Variants in BRD10 observed in about 807,000 individuals in gnomAD.
The protein encoded by BRD10 is bromodomain containing 10.
the BRD10 span, among the ~76,000 whole-genome samples, chr9:5,941,539 C>G: frequency 1.3e-5 from 2 of 152,080 alleles, no homozygotes; most frequent in Admixed American, 1.3e-4. Flanking sequence ...ACTTTTTTGA[C>G]TAAACCCCTA....
chr9:5,891,955 G>C, the BRD10 span, among the ~76,000 whole-genome samples: 1 of 152,180 alleles, frequency 6.6e-6, no homozygotes, highest in Non-Finnish European at 1.5e-5. Context: ...CACAGGCAAC[G>C]GGTGCTCTGG....
chr9:5,996,156 T>C, the BRD10 span, among the ~76,000 whole-genome samples: 2 of 152,134 alleles, frequency 1.3e-5, no homozygotes, highest in African/African-American at 4.8e-5. Context: ...ACAACAACAG[T>C]AAATAAATAC....
chr9:6,005,770 G>A, the BRD10 span, among the ~76,000 whole-genome samples: 3 of 152,214 alleles, frequency 2.0e-5, no homozygotes, highest in African/African-American at 7.2e-5. Flanking sequence ...ATAATGCACT[G>A]TGGAGACAAG....
At chr9:5,968,161 C>T in the BRD10 span, 14 of 1,599,686 alleles carry the variant, frequency 8.8e-6, no homozygotes, top group Non-Finnish European at 1.2e-5. Context: ...CTTTCAATTT[C>T]TTTTTTTTCT....
At chr9:5,900,507 T>C in the BRD10 span, among the ~76,000 whole-genome samples, 174 of 152,352 alleles carry the variant, frequency 1.1e-3, 1 homozygote, top group African/African-American at 4.1e-3. Context: ...AATTACATAA[T>C]TACCTCCCTT....
At chr9:5,899,475 G>T in the BRD10 span, among the ~76,000 whole-genome samples, 4 of 152,186 alleles carry the variant, frequency 2.6e-5, no homozygotes, top group Non-Finnish European at 4.4e-5. Flanking sequence ...CACCCACCGA[G>T]CATAGCCCTC....
the BRD10 span, among the ~76,000 whole-genome samples, chr9:5,912,562 A>G: frequency 6.6e-6 from 1 of 152,210 alleles, no homozygotes; most frequent in Admixed American, 6.5e-5. Flanking sequence ...GAGACCCTTC[A>G]GTGTTCTGTA....
the BRD10 span, among the ~76,000 whole-genome samples, chr9:5,929,479 AATTC>A: frequency 1.3e-5 from 2 of 152,176 alleles, no homozygotes; most frequent in Non-Finnish European, 2.9e-5. Context: ...CATTTATATA[AATTC>A]ATTAAGTAAG....
chr9:6,006,130 T>C, the BRD10 span, among the ~76,000 whole-genome samples: 2 of 152,250 alleles, frequency 1.3e-5, no homozygotes, highest in African/African-American at 4.8e-5. Context: ...ACTCATATTA[T>C]TCAACGACTG....
the BRD10 span, among the ~76,000 whole-genome samples, chr9:5,952,580 T>A: frequency 6.6e-6 from 1 of 152,364 alleles, no homozygotes; most frequent in South Asian, 2.1e-4. Context: ...AATGATTTCA[T>A]GCCTCACTAA....
chr9:5,952,646 T>C, the BRD10 span, among the ~76,000 whole-genome samples: 1 of 152,162 alleles, frequency 6.6e-6, no homozygotes, highest in African/African-American at 2.4e-5. Context: ...CTACTTAATA[T>C]ATGGAAAAGT....
At chr9:5,967,946 T>A in the BRD10 span, 2 of 916,002 alleles carry the variant, frequency 2.2e-6, no homozygotes, top group Non-Finnish European at 3.3e-6. Flanking sequence ...AATCAAAGCA[T>A]CCATGATGCA....
chr9:5,953,964 G>A, the BRD10 span: 1 of 1,020,616 alleles, frequency 9.8e-7, no homozygotes, highest in South Asian at 1.4e-5. Flanking sequence ...GGAATGATAT[G>A]AACACTGAAA....
the BRD10 span, among the ~76,000 whole-genome samples, chr9:5,936,122 G>C: frequency 2.0e-5 from 3 of 152,144 alleles, no homozygotes; most frequent in Non-Finnish European, 4.4e-5. Flanking sequence ...TTGGGAGGCA[G>C]AGGAAGGTAA....
chr9:5,910,604 C>T, the BRD10 span: 2 of 152,300 alleles, frequency 1.3e-5, no homozygotes, highest in Non-Finnish European at 1.5e-5. Flanking sequence ...AACCCCCAGA[C>T]TGTCACTCAC....
At chr9:5,996,401 C>G in the BRD10 span, among the ~76,000 whole-genome samples, 1 of 152,102 alleles carries the variant, frequency 6.6e-6, no homozygotes, top group African/African-American at 2.4e-5. Flanking sequence ...TCACTGCAAC[C>G]TTTGCCTCCT....
the BRD10 span, among the ~76,000 whole-genome samples, chr9:5,965,898 GA>G: frequency 2.0e-5 from 3 of 152,126 alleles, no homozygotes; most frequent in Non-Finnish European, 2.9e-5. Flanking sequence ...CAAGTGGACT[GA>G]AAATTACATA....
the BRD10 span, among the ~76,000 whole-genome samples, chr9:5,943,609 G>A: frequency 6.6e-6 from 1 of 150,880 alleles, no homozygotes; most frequent in African/African-American, 2.4e-5. Flanking sequence ...AATATTTGAG[G>A]AATATATCAC....
chr9:5,973,442 G>A, the BRD10 span, among the ~76,000 whole-genome samples: 6 of 152,290 alleles, frequency 3.9e-5, no homozygotes, highest in African/African-American at 1.4e-4. Flanking sequence ...ACTCCAGCCT[G>A]GGTGACAGAG....
Sources: allele counts gnomAD v4.1 joint callset (sites outside exome capture counted in the v4.1 genomes callset), GRCh38; gene constraint gnomAD v4.1.1; transcripts MANE v1.5; gene names NCBI Gene and HGNC (gene_info 2026-07-23, HGNC 2026-07-21).